The following AMZ2 variants were observed in gnomAD, a reference collection of about 807,000 sequenced individuals.
The protein encoded by AMZ2 is archaelysin family metallopeptidase 2, also known as archaemetzincin-2.
Under a neutral mutation model 36.7 loss-of-function variants are expected in AMZ2, and 26 were observed. That is an observed-to-expected ratio of 0.71 (90% CI 0.52 to 0.98). The LOEUF (loss-of-function observed/expected upper bound fraction) is 0.98, where lower values mean the gene tolerates loss of function less well. AMZ2 is among the 50% of genes least tolerant of loss of function. AMZ2 has a pLI of 0.00. For synonymous variants in AMZ2, 144 were observed against 149.1 expected (o/e 0.97, Z 0.25); for missense variants, 394 against 430.5 (o/e 0.92, Z 0.75).
At chr17:68,234,328 A>G (rs1555732033) in intron 1 of AMZ2, among the ~76,000 whole-genome samples, 1 of 151,912 alleles carries the variant, frequency 6.6e-6, no homozygotes, top group African/African-American at 2.4e-5. Context: ...ACATACCTGT[A>G]GTCCCAGCTA....
intron 5 of AMZ2, 57 bp downstream of exon 5, chr17:68,254,624 A>G (rs1327174015): frequency 4.9e-6 from 7 of 1,428,562 alleles, no homozygotes; most frequent in Admixed American, 1.9e-5. Context: ...TTAGTTCCGT[A>G]AACTGTATAT....
At chr17:68,240,474 A>G (rs1169362344) in intron 1 of AMZ2, among the ~76,000 whole-genome samples, 2 of 152,232 alleles carry the variant, frequency 1.3e-5, no homozygotes, top group Non-Finnish European at 2.9e-5. Context: ...AAAGATGGAA[A>G]AATGTGAGAG....
rs185180335 is a variant in AMZ2, at chr17:68,221,707, G to A, written c.-67+15469G>A. On this transcript the variant is annotated intron_variant, in intron 1 of 7. Transcript: ENST00000674770. ...CACACCACTGCACTCCAGCCTGGGC[G>A]ACAGAGCAAGACTCTGTCTTAAAAA... is the stretch of plus-strand genomic sequence containing the variant. Among the ~76,000 whole-genome samples, 455 of 150,702 alleles carry A rather than the reference G, an allele frequency of 3.0e-3. 3 individuals are homozygous for A. The highest frequency in any genetic ancestry group is 0.011 in the African/African-American group (438 of 40,814).
In AMZ2 at chr17:68,250,966, A is replaced by T; in HGVS notation, c.456A>T (p.Ala152=). 1 of 1,612,198 alleles carries T rather than the reference A, an allele frequency of 6.2e-7. No individual in the cohort carries two copies. The highest frequency in any genetic ancestry group is 8.5e-7 in the Non-Finnish European group (1 of 1,179,526). ...ACACACACAACCTACAAATTCATGC[A>T]GGTGAATTACACGACTTTGCAATTC... ...NENTHNLQIH[A]GDILKFLKKK... is the part of the protein sequence containing the mutation. Residue 152 remains alanine, a splice_region_variant and synonymous_variant, in exon 3 of 7, where the codon GCA becomes GCT. Transcript: ENST00000359904.
chr17:68,257,062 T>G lies in AMZ2; in HGVS notation c.*93T>G. The G allele has an allele frequency of 7.4e-7, 1 of 1,346,948 alleles. No individual in the cohort carries two copies. Among genetic ancestry groups the G allele is most frequent in the South Asian group, 1.4e-5 (1 of 71,870 alleles). The allele number at this position is 1,346,948 out of a possible 1,614,324, so 83.4% of individuals were successfully genotyped here. A position where few individuals can be genotyped will look rare whatever the true frequency, so the allele number is the denominator to read the frequency against. ...ACTTCATTGGAATAAACTACTGATC[T>G]TGTGCTGTGTCAAAGTAACAGACTA... On this transcript the variant is annotated 3_prime_UTR_variant, in exon 7 of 7. Transcript: ENST00000359904.
intron 1 of AMZ2, among the ~76,000 whole-genome samples, chr17:68,213,553 G>A (rs2073119566): frequency 6.6e-6 from 1 of 152,160 alleles, no homozygotes; most frequent in African/African-American, 2.4e-5. Flanking sequence ...GATTCTTTGT[G>A]GCTGGAAGCT....
intron 1 of AMZ2, among the ~76,000 whole-genome samples, chr17:68,233,379 G>T (rs1225069013): frequency 3.3e-5 from 5 of 151,896 alleles, no homozygotes; most frequent in Non-Finnish European, 7.4e-5. Flanking sequence ...CGTGGTCGTG[G>T]GCATTTGTAA....
chr17:68,225,119 G>C (rs2073481805), intron 1 of AMZ2, among the ~76,000 whole-genome samples: 1 of 152,176 alleles, frequency 6.6e-6, no homozygotes, highest in Non-Finnish European at 1.5e-5. Flanking sequence ...TTGAACTTGG[G>C]AGGTGGAGGT....
At chr17:68,220,697 C>A (rs2073323845) in intron 1 of AMZ2, among the ~76,000 whole-genome samples, 2 of 151,846 alleles carry the variant, frequency 1.3e-5, no homozygotes, top group Admixed American at 6.6e-5. Context: ...TTCGAGGGGA[C>A]TAGATAAAAT....
At chr17:68,225,394 G>A (rs1409707384) in intron 1 of AMZ2, among the ~76,000 whole-genome samples, 3 of 152,156 alleles carry the variant, frequency 2.0e-5, no homozygotes, top group South Asian at 2.1e-4. Flanking sequence ...CACCCCACCC[G>A]TGTGGTTGGC....
chr17:68,247,836 G>A (rs1437348221), upstream of AMZ2: 8 of 985,418 alleles, frequency 8.1e-6, no homozygotes, highest in African/African-American at 7.0e-5. Context: ...GTGGACAGCT[G>A]GGGCTTGTAG....
chr17:68,255,433 A>C (rs1555742205), intron 5 of AMZ2, among the ~76,000 whole-genome samples: 1 of 152,170 alleles, frequency 6.6e-6, no homozygotes, highest in Non-Finnish European at 1.5e-5. Flanking sequence ...AGCATCGCAC[A>C]GTGCACAGGA....
chr17:68,238,237 G>A (rs1170382347), intron 1 of AMZ2, among the ~76,000 whole-genome samples: 1 of 151,874 alleles, frequency 6.6e-6, no homozygotes, highest in Non-Finnish European at 1.5e-5. Context: ...ATAGAAATCA[G>A]AGTCTTGCTA....
chr17:68,256,419 G>A (rs1771143057), intron 6 of AMZ2, among the ~76,000 whole-genome samples: 1 of 152,158 alleles, frequency 6.6e-6, no homozygotes, highest in African/African-American at 2.4e-5. Context: ...CTACACATGT[G>A]TTTTCACATA....
intron 1 of AMZ2, among the ~76,000 whole-genome samples, chr17:68,218,045 C>T (rs1324479569): frequency 1.3e-5 from 2 of 152,102 alleles, no homozygotes; most frequent in Non-Finnish European, 2.9e-5. Flanking sequence ...ATCTCCTGAC[C>T]TCGTGATCTG....
At chr17:68,254,301 A>C in intron 4 of AMZ2, 103 bp from the exon 5 acceptor site, 1 of 1,118,216 alleles carries the variant, frequency 8.9e-7, no homozygotes, top group Non-Finnish European at 1.3e-6. Flanking sequence ...ACAGTGACAC[A>C]GAGATGCACT....
chr17:68,219,698 A>T (rs868949064), intron 1 of AMZ2, among the ~76,000 whole-genome samples: 7,033 of 141,824 alleles, frequency 0.05, 385 homozygotes, highest in East Asian at 0.21. Context: ...CATCTGGCAA[A>T]TTTTTTTTTT....
chr17:68,222,502 T>G (rs1297590037), intron 1 of AMZ2, among the ~76,000 whole-genome samples: 1 of 152,196 alleles, frequency 6.6e-6, no homozygotes, highest in Non-Finnish European at 1.5e-5. Flanking sequence ...TTACATTTAT[T>G]TCTGTTATTA....
At chr17:68,226,092 G>A (rs113551501) in intron 1 of AMZ2, among the ~76,000 whole-genome samples, 3 of 152,250 alleles carry the variant, frequency 2.0e-5, no homozygotes, top group African/African-American at 7.2e-5. Flanking sequence ...GACCCGTAAG[G>A]AGGAGAACAA....
Sources: gnomAD v4.1 joint callset for allele counts (sites outside exome capture counted in the v4.1 genomes callset) on GRCh38, gnomAD v4.1.1 for gene constraint, MANE v1.5 for transcripts, NCBI Gene and HGNC (gene_info 2026-07-23, HGNC 2026-07-21) for gene names.